Variants in CNOT4 observed in about 807,000 individuals in gnomAD.
CNOT4 encodes CCR4-NOT transcription complex subunit 4, also known as CCR4-associated factor 4.
CNOT4 carries 8 observed loss-of-function variants against 73.8 expected under a neutral mutation model. That is an observed-to-expected ratio of 0.11 (90% CI 0.06 to 0.20). The LOEUF (loss-of-function observed/expected upper bound fraction) is 0.20, where lower values mean the gene tolerates loss of function less well. Among genes scored for constraint, CNOT4 ranks in the 10% least tolerant of loss-of-function variants. CNOT4 has a pLI of 1.00. For missense variants in CNOT4, 564 were observed against 883.4 expected, an observed-to-expected ratio of 0.64 and a Z score of 4.58; for synonymous variants, 293 against 321.1, an observed-to-expected ratio of 0.91 and a Z score of 0.94.
At chr7:135,509,203 A>G (rs1804570998) in intron 1 of CNOT4, 1 of 152,490 alleles carries the variant, frequency 6.6e-6, no homozygotes. Flanking sequence ...AAGAAGGCTG[A>G]GAAACAGGTG....
At chr7:135,421,828 G>T in intron 3 of CNOT4, among the ~76,000 whole-genome samples, 1 of 152,146 alleles carries the variant, frequency 6.6e-6, no homozygotes, top group Non-Finnish European at 1.5e-5. Context: ...AAAGAGAAAA[G>T]AAACAGAGTA....
intron 7 of CNOT4, among the ~76,000 whole-genome samples, chr7:135,408,436 T>A (rs975637985): frequency 6.6e-6 from 1 of 152,198 alleles, no homozygotes; most frequent in Non-Finnish European, 1.5e-5. Context: ...GAAAAAAGAC[T>A]AAGAAAATAC....
chr7:135,438,583 C>T (rs1799291351), intron 1 of CNOT4, among the ~76,000 whole-genome samples, 160 bp from the exon 2 acceptor site: 1 of 152,012 alleles, frequency 6.6e-6, no homozygotes, highest in Non-Finnish European at 1.5e-5. Context: ...ATTTTGAATA[C>T]CAAAACAAAA....
At chr7:135,419,113 T>C (rs954581035) in intron 3 of CNOT4, among the ~76,000 whole-genome samples, 1 of 152,188 alleles carries the variant, frequency 6.6e-6, no homozygotes, top group African/African-American at 2.4e-5. Flanking sequence ...ACCTCTATCG[T>C]TGGCTCTAAT....
chr7:135,425,445 C>T (rs535907514), intron 2 of CNOT4, among the ~76,000 whole-genome samples: 1 of 152,328 alleles, frequency 6.6e-6, no homozygotes, highest in East Asian at 1.9e-4. Context: ...GATGCACCAT[C>T]ATGTTAAGCA....
chr7:135,387,511 A>G (rs1796181945), intron 10 of CNOT4: 7 of 976,124 alleles, frequency 7.2e-6, no homozygotes, highest in Non-Finnish European at 8.5e-6. Flanking sequence ...ATTATTTTCA[A>G]TCTCTAGGCT....
At chr7:135,473,463 A>G (rs1801773036) in intron 1 of CNOT4, among the ~76,000 whole-genome samples, 1 of 152,222 alleles carries the variant, frequency 6.6e-6, no homozygotes, top group Admixed American at 6.5e-5. Flanking sequence ...AGATTTAAAA[A>G]TAGGCCTGGC....
At chr7:135,467,540 A>G (rs1563067498) in intron 1 of CNOT4, among the ~76,000 whole-genome samples, 1 of 152,038 alleles carries the variant, frequency 6.6e-6, no homozygotes, top group Non-Finnish European at 1.5e-5. Flanking sequence ...GCAAGACCCC[A>G]TATCCACAAA....
intron 1 of CNOT4, among the ~76,000 whole-genome samples, chr7:135,481,619 T>G (rs761378455): frequency 6.6e-6 from 1 of 152,204 alleles, no homozygotes. Context: ...AAAGAATCAG[T>G]GTATCAAAGG....
intron 1 of CNOT4, among the ~76,000 whole-genome samples, chr7:135,489,568 G>C (rs1802968682): frequency 6.6e-6 from 1 of 151,588 alleles, no homozygotes; most frequent in African/African-American, 2.4e-5. Context: ...GCTAATTTTT[G>C]TATTTTCAGT....
Position 135,395,864 on chromosome 7 carries a change from G to C in CNOT4, c.899C>G (p.Pro300Arg). 1.2e-6 allele frequency: 2 copies of C among 1,607,340 alleles called. No homozygotes were observed. Among genetic ancestry groups the C allele is most frequent in the Non-Finnish European group, 1.7e-6 (2 of 1,173,896 alleles). Residue 300 changes from proline to arginine, a missense_variant, in exon 9 of 12, where the codon CCT becomes CGT. Transcript: ENST00000541284. ...NSQQISNSDT[P>R]SPPPGLSKSN... ...TTTTGACAAACCAGGTGGTGGTGAA[G>C]GCGTATCACTGTTAGATATCTGAAT...
At position 135,363,979 on chromosome 7, in the gene CNOT4, C is replaced by T; in HGVS notation, c.1715G>A (p.Gly572Asp). 15 of 1,598,208 alleles carry T rather than the reference C, an allele frequency of 9.4e-6. No homozygotes were observed. Among genetic ancestry groups the T allele is most frequent in the African/African-American group, 1.3e-5 (1 of 74,910 alleles). ...ALLPNININF[G>D]GLPNSSSPSN... ...GGGGGAAGAAGAATTGGGCAGTCCACCAAAGTTGATGTTAATGTTGGGTAG... is the reference window on the plus strand; with the variant it reads ...GGGGGAAGAAGAATTGGGCAGTCCATCAAAGTTGATGTTAATGTTGGGTAG... Residue 572 changes from glycine to aspartate, a missense_variant, in exon 11 of 12, where the codon GGT becomes GAT. This residue lies in a region of CNOT4 where 53 missense variants were observed against 75.4 expected (regional missense o/e 0.70). Coordinates refer to ENST00000541284, the MANE Select transcript of CNOT4 (RefSeq NM_001190850.2). The surrounding 1 kb of genome is among the most constrained non-coding windows in gnomAD (Gnocchi z 4.3).
rs1470051259 is a variant in CNOT4, at chr7:135,363,006, T to A, written c.2021A>T (p.Tyr674Phe). 36 of 1,609,698 alleles carry A rather than the reference T, an allele frequency of 2.2e-5. No homozygotes were observed. The highest frequency in any genetic ancestry group is 3.0e-5 in the Non-Finnish European group (35 of 1,178,682). Residue 674 changes from tyrosine to phenylalanine, a missense_variant, in exon 12 of 12, where the codon TAC becomes TTC. Transcript: ENST00000541284. The surrounding 1 kb of genome is among the most constrained non-coding windows in gnomAD (Gnocchi z 4.3). ...GCTGGAAGGGTTTGAAGGAGGAGGG[T>A]AGGGATTCCAACTGGCTCTGTGCAG... ...IPLHRASWNPYPPPSNPSSFH... is the reference protein window; with the variant it reads ...IPLHRASWNPFPPPSNPSSFH...
intron 10 of CNOT4, among the ~76,000 whole-genome samples, chr7:135,368,050 G>A (rs955640852): frequency 6.6e-6 from 1 of 152,062 alleles, no homozygotes; most frequent in Non-Finnish European, 1.5e-5. Flanking sequence ...CAGGAAAGGG[G>A]GTCAAGTTGT....
In CNOT4 at chr7:135,414,321, A is replaced by C; in HGVS notation, c.561+10T>G. The C allele has an allele frequency of 1.1e-6, 1 of 945,634 alleles. No homozygotes were observed. Among genetic ancestry groups the C allele is most frequent in the Non-Finnish European group, 1.7e-6 (1 of 598,482 alleles). The allele number at this position is 945,634 out of a possible 1,614,324, so 58.6% of individuals were successfully genotyped here. ...AAAAAAAAAAAAAAGAATCAAGAGG[A>C]CTATATTACCTTAAGTGTTCTGCCA... On this transcript the variant is annotated intron_variant, in intron 5 of 11. Transcript: ENST00000541284.
chr7:135,372,915 G>T (rs970327490), intron 10 of CNOT4, among the ~76,000 whole-genome samples: 3 of 152,178 alleles, frequency 2.0e-5, no homozygotes, highest in African/African-American at 7.2e-5. Context: ...GGATGGGTGG[G>T]AGTGGTCCCA....
intron 1 of CNOT4, among the ~76,000 whole-genome samples, chr7:135,483,114 T>C (rs1802491050): frequency 6.6e-6 from 1 of 151,120 alleles, no homozygotes; most frequent in African/African-American, 2.4e-5. Flanking sequence ...GCAGGAGGAC[T>C]GCTTGAGCCC....
At chr7:135,474,357 T>C (rs2129486914) in intron 1 of CNOT4, among the ~76,000 whole-genome samples, 1 of 143,724 alleles carries the variant, frequency 7.0e-6, no homozygotes, top group East Asian at 2.0e-4. Context: ...TGATCTCAGC[T>C]CACTGCAACC....
chr7:135,382,545 C>T (rs1475882684), intron 10 of CNOT4, among the ~76,000 whole-genome samples: 2 of 150,458 alleles, frequency 1.3e-5, no homozygotes, highest in African/African-American at 2.4e-5. Flanking sequence ...ACTAAGGTTG[C>T]TTCCAAACTA....
Sources: gnomAD v4.1 joint callset for allele counts (sites outside exome capture counted in the v4.1 genomes callset) on GRCh38, gnomAD v4.1.1 for gene constraint, gnomAD v4.1.1 regional missense constraint, Gnocchi (gnomAD v3.1) non-coding constraint, MANE v1.5 for transcripts, NCBI Gene and HGNC (gene_info 2026-07-23, HGNC 2026-07-21) for gene names.